The following MYLK variants were observed in gnomAD, a reference collection of about 807,000 sequenced individuals.
MYLK encodes myosin light chain kinase, smooth muscle.
MYLK carries 106 observed loss-of-function variants against 203.4 expected under a neutral mutation model. The ratio of observed to expected loss-of-function variants is 0.52; its 90% CI spans 0.45 to 0.61. MYLK has a LOEUF of 0.61. Ranked by LOEUF, MYLK falls within the 20% of genes least tolerant of loss-of-function variation. MYLK has a pLI of 0.00. For missense variants in MYLK, 2,072 were observed against 2,442.3 expected, an observed-to-expected ratio of 0.85 and a Z score of 3.20; for synonymous variants, 867 against 959.5, an observed-to-expected ratio of 0.90 and a Z score of 1.78.
chr3:123,784,577 G>T (rs11707609), intron 4 of MYLK, among the ~76,000 whole-genome samples: 1 of 151,284 alleles, frequency 6.6e-6, no homozygotes. Context: ...CTCTACTTTC[G>T]GCTTGCCAAA....
chr3:123,631,754 C>G (rs541441727), intron 29 of MYLK, among the ~76,000 whole-genome samples: 1 of 152,094 alleles, frequency 6.6e-6, no homozygotes, highest in Non-Finnish European at 1.5e-5. Context: ...TTTAAGAAGG[C>G]AAAGAGAATC....
chr3:123,772,466 G>A (rs976249112), intron 4 of MYLK, among the ~76,000 whole-genome samples: 1 of 151,966 alleles, frequency 6.6e-6, no homozygotes, highest in Non-Finnish European at 1.5e-5. Context: ...TGATTAAAAT[G>A]TTAAAAGTAA....
intron 3 of MYLK, chr3:123,831,299 C>G (rs2066318751): frequency 8.7e-7 from 1 of 1,148,872 alleles, no homozygotes; most frequent in East Asian, 5.9e-5. Flanking sequence ...CTGGCTAGTT[C>G]CAATGATGAT....
intron 3 of MYLK, among the ~76,000 whole-genome samples, chr3:123,800,822 G>A (rs1261301288): frequency 2.0e-5 from 3 of 152,114 alleles, no homozygotes; most frequent in African/African-American, 4.8e-5. Flanking sequence ...CCCCCTACCT[G>A]CTTTCCCAGT....
At chr3:123,746,305 C>T (rs1417482501) in intron 5 of MYLK, among the ~76,000 whole-genome samples, 1 of 35,598 alleles carries the variant, frequency 2.8e-5, no homozygotes, top group African/African-American at 4.0e-5. Context: ...TCTTTATATC[C>T]TAGCACAAAG....
intron 18 of MYLK, among the ~76,000 whole-genome samples, chr3:123,695,886 C>T (rs1218385318): frequency 1.3e-5 from 2 of 152,166 alleles, no homozygotes; most frequent in Non-Finnish European, 2.9e-5. Flanking sequence ...ACGGGACCAT[C>T]GGCCTCCCAC....
intron 20 of MYLK, among the ~76,000 whole-genome samples, chr3:123,677,918 T>TACACACAC (rs1227637591): frequency 5.1e-5 from 4 of 78,896 alleles, no homozygotes; most frequent in East Asian, 1.7e-3. Context: ...TATATATATA[T>TACACACAC]ACACACACAC....
At chr3:123,701,235 T>C (rs1328770703) in intron 17 of MYLK, among the ~76,000 whole-genome samples, 1 of 25,730 alleles carries the variant, frequency 3.9e-5, no homozygotes, top group Non-Finnish European at 2.1e-4. Context: ...TAAGGGTGTG[T>C]GCAAAAAAAA....
intron 13 of MYLK, among the ~76,000 whole-genome samples, chr3:123,718,345 G>A (rs904307504): frequency 6.6e-6 from 1 of 152,202 alleles, no homozygotes; most frequent in African/African-American, 2.4e-5. Context: ...TCTACACACA[G>A]TATGACGTGA....
At chr3:123,836,905 T>C (rs1176586961) in intron 2 of MYLK, among the ~76,000 whole-genome samples, 3 of 152,208 alleles carry the variant, frequency 2.0e-5, no homozygotes, top group Non-Finnish European at 4.4e-5. Flanking sequence ...ACAAAACACA[T>C]GGAAACATAA....
chr3:123,744,583 T>C (rs777701775), intron 5 of MYLK, among the ~76,000 whole-genome samples: 2 of 152,206 alleles, frequency 1.3e-5, no homozygotes, highest in Non-Finnish European at 2.9e-5. Flanking sequence ...CGTTTTATGA[T>C]ACGGGGTTGA....
At chr3:123,828,441 T>C (rs1186849898) in intron 3 of MYLK, among the ~76,000 whole-genome samples, 2 of 152,068 alleles carry the variant, frequency 1.3e-5, no homozygotes, top group African/African-American at 2.4e-5. Flanking sequence ...GCTCATCCTA[T>C]ACAAAAATCA....
chr3:123,675,975 A>C (rs1312600579), intron 20 of MYLK, among the ~76,000 whole-genome samples: 2 of 152,266 alleles, frequency 1.3e-5, no homozygotes, highest in East Asian at 1.9e-4. Flanking sequence ...CCTCAAAGCA[A>C]GGGCTGTCAC....
Position 123,649,172 on chromosome 3 carries a change from C to G in MYLK, c.4311G>C (p.Val1437=). 6.2e-7 allele frequency: 1 copy of G among 1,613,232 alleles called. No homozygotes were observed. Among genetic ancestry groups the G allele is most frequent in the East Asian group, 2.2e-5 (1 of 44,870 alleles). ...AGGGGCTGCACTCACCATCATCTGA[C>G]ACCTCCACTTCATCCTTCGGCTCTG... ...KPEEPKDEVE[V]SDDDEKEPEV... The change falls in exon 25 of 34, where the codon GTG becomes GTC. Residue 1437 remains valine (V), a synonymous_variant. Transcript: ENST00000360304.
chr3:123,752,553 A>C lies in MYLK; in HGVS notation c.166-15T>G. The C allele has an allele frequency of 1.9e-6, 3 of 1,603,882 alleles. 1 individual carries two copies. In the South Asian group the frequency reaches 3.3e-5, roughly 18 times the overall value. The stretch of plus-strand genomic sequence containing the variant: ...TAACCCCGGACCTTCAAGAAAAAGA[A>C]GAAAGGGTAAGAGCCTGTATTTCAT... On this transcript the variant is annotated splice_polypyrimidine_tract_variant and intron_variant, in intron 4 of 33. Coordinates refer to ENST00000360304, the MANE Select transcript of MYLK (RefSeq NM_053025.4).
At chr3:123,666,842 G>A (rs1265436902) in intron 21 of MYLK, 17 of 584,186 alleles carry the variant, frequency 2.9e-5, no homozygotes, top group Non-Finnish European at 5.2e-5. Context: ...ATGGACAGCA[G>A]GGCAGAATTC....
rs539604368 is a variant in MYLK, at chr3:123,663,902, C to T, written c.3985+203G>A. On this transcript the variant is annotated intron_variant, in intron 23 of 33. Transcript: ENST00000360304. Reference sequence around the variant, plus strand: ...AAAAGGATTTCTGCCCAGCCTTGGCCCCTCTGCTGAGCCTGGAGGTCAGCA... The same window carrying T: ...AAAAGGATTTCTGCCCAGCCTTGGCTCCTCTGCTGAGCCTGGAGGTCAGCA... 2.0e-5 allele frequency among the ~76,000 whole-genome samples: 3 copies of T among 152,242 alleles called. No individual in the cohort carries two copies. In the South Asian group the frequency reaches 6.2e-4, roughly 32 times the overall value.
Position 123,672,114 on chromosome 3 carries a change from T to C in MYLK, c.3653-4927A>G, listed in dbSNP as rs111620167. On this transcript the variant is annotated intron_variant, in intron 20 of 33. Coordinates refer to ENST00000360304, the MANE Select transcript of MYLK (RefSeq NM_053025.4). ...AGAAATAGGGCCTTCAAAGAGGTAA[T>C]TAAATTAAAACGAGGCCATTAGGGT... Among the ~76,000 whole-genome samples the C allele has an allele frequency of 6.4e-3, 970 of 151,942 alleles. 9 individuals are homozygous for C. The highest frequency in any genetic ancestry group is 0.022 in the African/African-American group (914 of 41,406).
At chr3:123,828,179 G>A (rs962000888) in intron 3 of MYLK, among the ~76,000 whole-genome samples, 1 of 152,048 alleles carries the variant, frequency 6.6e-6, no homozygotes, top group African/African-American at 2.4e-5. Flanking sequence ...CAAAGCTGGG[G>A]GTATCACACT....
Sources: gnomAD v4.1 joint callset for allele counts (sites outside exome capture counted in the v4.1 genomes callset) on GRCh38, gnomAD v4.1.1 for gene constraint, MANE v1.5 for transcripts, NCBI Gene and HGNC (gene_info 2026-07-23, HGNC 2026-07-21) for gene names.